Variants in PLXNA2 observed in about 807,000 individuals in gnomAD.
PLXNA2 encodes the protein plexin A2.
PLXNA2 carries 91 observed loss-of-function variants against 193.5 expected under a neutral mutation model. The observed-to-expected ratio is 0.47, with a 90% CI of 0.40 to 0.56. PLXNA2 has a LOEUF of 0.56. Ranked by LOEUF, PLXNA2 falls within the 20% of genes least tolerant of loss-of-function variation. PLXNA2 has a pLI of 0.00. For missense variants in PLXNA2, 1,995 were observed against 2,503.2 expected (o/e 0.80, Z 4.33); for synonymous variants, 997 against 1,027.3 (o/e 0.97, Z 0.56).
chr1:208,040,287 C>T (rs1664824139), intron 22 of PLXNA2: 3 of 565,600 alleles, frequency 5.3e-6, no homozygotes, highest in Non-Finnish European at 9.5e-6. Flanking sequence ...GAGAGGTTGG[C>T]CTTTTCAGCC....
At chr1:208,055,857 C>T (rs1290131689) in intron 13 of PLXNA2, among the ~76,000 whole-genome samples, 1 of 152,284 alleles carries the variant, frequency 6.6e-6, no homozygotes, top group East Asian at 1.9e-4. Context: ...TCACTCCTAG[C>T]GAATATTTAC....
intron 3 of PLXNA2, among the ~76,000 whole-genome samples, chr1:208,177,988 C>G (rs541479082): frequency 2.0e-5 from 3 of 152,320 alleles, no homozygotes; most frequent in Admixed American, 6.5e-5. Flanking sequence ...AAAACAGGGG[C>G]CTTACCCTGA....
At chr1:208,192,518 G>A (rs1670214607) in intron 3 of PLXNA2, among the ~76,000 whole-genome samples, 1 of 151,978 alleles carries the variant, frequency 6.6e-6, no homozygotes, top group South Asian at 2.1e-4. Context: ...ATAGATGAAA[G>A]TAAGATACTT....
chr1:208,084,439 T>C lies in PLXNA2; in HGVS notation c.2239A>G (p.Ile747Val), dbSNP rs1190058726. 2 of 1,614,252 alleles carry C rather than the reference T, an allele frequency of 1.2e-6. No individual in the cohort carries two copies. The highest frequency in any genetic ancestry group is 2.2e-5 in the East Asian group (1 of 44,882). ...YECVLNIQGA[I>V]HRVPALRFNS... ...AAGCGCAGAGCGGGGACCCGGTGGA[T>C]GGCTCCTTGTATGTTGAGGACACAC... Residue 747 changes from isoleucine to valine, a missense_variant, in exon 10 of 32, where the codon ATC becomes GTC. Ile to Val is a conservative substitution (Grantham distance 29). Transcript: ENST00000367033.
chr1:208,097,928 T>C (rs1016815328), intron 6 of PLXNA2, among the ~76,000 whole-genome samples: 8 of 152,100 alleles, frequency 5.3e-5, no homozygotes, highest in Non-Finnish European at 8.8e-5. Context: ...AGTCTTGAGC[T>C]TCTGGGCTCA....
rs1664982836 is a variant in PLXNA2 at position 208,044,409 on chromosome 1, C to T, written c.3874+99G>A. 3.7e-6 allele frequency: 3 copies of T among 818,474 alleles called. No homozygotes were observed. Among genetic ancestry groups the T allele is most frequent in the South Asian group, 1.6e-5 (1 of 63,668 alleles). 50.7% of individuals were successfully genotyped at this position (818,474 alleles called of 1,614,324 possible). On this transcript the variant is annotated intron_variant, in intron 20 of 31. Transcript: ENST00000367033. This position sits in a 1 kb window ranked among gnomAD's most constrained non-coding sequence, Gnocchi z 4.9. ...AAGTGGAATGCAGAGGCATGGCTGG[C>T]AGCGATGGGAGTAAAGATAGGAGTT...
intron 3 of PLXNA2, among the ~76,000 whole-genome samples, chr1:208,160,215 C>T (rs574088901): frequency 4.3e-5 from 2 of 46,800 alleles, no homozygotes; most frequent in Non-Finnish European, 1.0e-4. Flanking sequence ...TTAGTACAAC[C>T]CCCCCCGCCC....
chr1:208,233,498 G>A (rs891664739), intron 1 of PLXNA2, among the ~76,000 whole-genome samples: 1 of 152,238 alleles, frequency 6.6e-6, no homozygotes, highest in Non-Finnish European at 1.5e-5. Flanking sequence ...GAAGCTGGGG[G>A]CCCGCAGTGG....
chr1:208,218,622 C>G (rs1013497136), intron 1 of PLXNA2, among the ~76,000 whole-genome samples: 2 of 152,210 alleles, frequency 1.3e-5, no homozygotes, highest in Admixed American at 6.5e-5. Context: ...CCTTTCTTCT[C>G]CAGCAAGAAG....
intron 13 of PLXNA2, 125 bp from the exon 14 acceptor site, chr1:208,054,663 T>C: frequency 2.9e-6 from 2 of 701,186 alleles, no homozygotes. Context: ...AAGACTCAGC[T>C]TGGTCATCCA....
At chr1:208,165,297 C>A (rs150055968) in intron 3 of PLXNA2, among the ~76,000 whole-genome samples, 194 of 152,236 alleles carry the variant, frequency 1.3e-3, no homozygotes, top group African/African-American at 4.5e-3. Context: ...AATAATAGTA[C>A]CCTGTGTTTA....
At position 208,038,397 on chromosome 1, in the gene PLXNA2, G is replaced by A; in HGVS notation, c.4738C>T (p.Arg1580Trp). 3 of 1,613,464 alleles carry A rather than the reference G, an allele frequency of 1.9e-6. No individual in the cohort carries two copies. The highest frequency in any genetic ancestry group is 2.2e-5 in the East Asian group (1 of 44,876). Reference sequence around the variant, plus strand: ...TGATAATGCATCAGTGTGTTGAGCCGCTTCCAGTCACCCTCAATCTTGGTG... The same window carrying A: ...TGATAATGCATCAGTGTGTTGAGCCACTTCCAGTCACCCTCAATCTTGGTG... ...ITTKIEGDWKRLNTLMHYQVS... is the reference protein window; with the variant it reads ...ITTKIEGDWKWLNTLMHYQVS... The change falls in exon 26 of 32, where the codon CGG becomes TGG. Residue 1580 changes from arginine to tryptophan, a missense_variant. By Grantham distance (101) the Arg-to-Trp change is moderately radical. Transcript: ENST00000367033. This position sits in a 1 kb window ranked among gnomAD's most constrained non-coding sequence, Gnocchi z 4.1.
At chr1:208,029,632 G>A (rs998713765) in intron 29 of PLXNA2, 32 of 987,350 alleles carry the variant, frequency 3.2e-5, no homozygotes, top group Non-Finnish European at 3.8e-5. Context: ...TATCTGGGCA[G>A]GGGCAGAGGG....
At chr1:208,180,564 C>T (rs1478516982) in intron 3 of PLXNA2, among the ~76,000 whole-genome samples, 1 of 152,122 alleles carries the variant, frequency 6.6e-6, no homozygotes, top group African/African-American at 2.4e-5. Flanking sequence ...TCAGGCACCG[C>T]GTTACACCCT....
chr1:208,116,195 T>C (rs768876536), intron 4 of PLXNA2, among the ~76,000 whole-genome samples: 9 of 152,202 alleles, frequency 5.9e-5, no homozygotes, highest in Non-Finnish European at 1.2e-4. Flanking sequence ...AAGTCTTCCT[T>C]GATCAACCTT....
intron 6 of PLXNA2, among the ~76,000 whole-genome samples, chr1:208,097,410 A>G (rs1202940940): frequency 6.6e-6 from 1 of 152,144 alleles, no homozygotes; most frequent in Non-Finnish European, 1.5e-5. Context: ...CGTGTTCCCT[A>G]GAGTTTGTGC....
At chr1:208,194,584 T>C (rs2102571042) in intron 3 of PLXNA2, among the ~76,000 whole-genome samples, 1 of 151,926 alleles carries the variant, frequency 6.6e-6, no homozygotes, top group Admixed American at 6.5e-5. Flanking sequence ...CATGTCTCCA[T>C]TTGATGTGGA....
rs981165329 is a variant in PLXNA2 at position 208,175,936 on chromosome 1, T to C, written c.1372-33473A>G. 9.8e-5 allele frequency among the ~76,000 whole-genome samples: 15 copies of C among 152,350 alleles called. No homozygotes were observed. In the East Asian group the frequency reaches 2.7e-3, roughly 27 times the overall value. ...GCCGGCTTCCCATTGTGTGGTATCT[T>C]GGGGTTTTGTCTGAAGTGAATTGAT... On this transcript the variant is annotated intron_variant, in intron 3 of 31. Transcript: ENST00000367033.
chr1:208,167,421 C>G (rs1250160902), intron 3 of PLXNA2, among the ~76,000 whole-genome samples: 1 of 152,178 alleles, frequency 6.6e-6, no homozygotes, highest in Non-Finnish European at 1.5e-5. Flanking sequence ...TCAGTGCACA[C>G]TATATAATTA....
Sources: allele counts gnomAD v4.1 joint callset (sites outside exome capture counted in the v4.1 genomes callset), GRCh38; gene constraint gnomAD v4.1.1; non-coding constraint Gnocchi (gnomAD v3.1); transcripts MANE v1.5; gene names NCBI Gene and HGNC (gene_info 2026-07-23, HGNC 2026-07-21).